Variants in CCDC170 observed in about 807,000 individuals in gnomAD.
The protein encoded by CCDC170 is coiled-coil domain-containing protein 170.
A neutral mutation model predicts 72.6 loss-of-function variants in CCDC170; 69 were observed. That is an observed-to-expected ratio of 0.95 (90% confidence interval 0.78 to 1.16). CCDC170 has a LOEUF of 1.16. Among genes scored for constraint, CCDC170 ranks in the 50% most tolerant of loss-of-function variants. CCDC170 has a pLI of 0.00. For synonymous variants in CCDC170, 300 were observed against 303.9 expected (o/e 0.99, Z 0.13); for missense variants, 852 against 832.5 (o/e 1.02, Z -0.29).
rs565760510 is a variant in CCDC170 at position 151,602,972 on chromosome 6, T to C, written c.1710+6395T>C. On this transcript the variant is annotated intron_variant, in intron 9 of 10. Transcript: ENST00000239374. ...TGTGCCACCATGCCCGGCTAGTTTT[T>C]TTATTTTTAGTAGAGATGGGGTTTC... Among the ~76,000 whole-genome samples, 9 of 152,266 alleles carry C rather than the reference T, an allele frequency of 5.9e-5. 1 individual carries two copies. In the South Asian group the frequency reaches 1.9e-3, roughly 32 times the overall value.
At chr6:151,496,498 T>C (rs1781915016) in intron 1 of CCDC170, among the ~76,000 whole-genome samples, 1 of 152,238 alleles carries the variant, frequency 6.6e-6, no homozygotes, top group Non-Finnish European at 1.5e-5. Flanking sequence ...TGCAAAATAC[T>C]TTATCTGAGA....
intron 9 of CCDC170, among the ~76,000 whole-genome samples, chr6:151,606,194 A>T (rs1486221829): frequency 6.6e-6 from 1 of 152,134 alleles, no homozygotes; most frequent in Non-Finnish European, 1.5e-5. Context: ...GAGCCACTGC[A>T]CCTGGCCTAT....
At chr6:151,548,625 C>T in intron 5 of CCDC170, 136 bp downstream of exon 5, 1 of 695,882 alleles carries the variant, frequency 1.4e-6, no homozygotes, top group Non-Finnish European at 2.1e-6. Context: ...AGAGCCTGCA[C>T]TCAGCAGGAG....
intron 1 of CCDC170, among the ~76,000 whole-genome samples, chr6:151,519,100 G>C (rs946705427): frequency 6.6e-6 from 1 of 152,158 alleles, no homozygotes; most frequent in Non-Finnish European, 1.5e-5. Context: ...AAATTCACCA[G>C]GGTGGGATTT....
chr6:151,545,000 C>T (rs1345597676), intron 4 of CCDC170, among the ~76,000 whole-genome samples: 1 of 152,052 alleles, frequency 6.6e-6, no homozygotes, highest in Non-Finnish European at 1.5e-5. Context: ...CTCATTGTAA[C>T]CATTTGCTTT....
At chr6:151,608,261 T>C (rs1220375059) in intron 9 of CCDC170, among the ~76,000 whole-genome samples, 1 of 152,200 alleles carries the variant, frequency 6.6e-6, no homozygotes, top group Non-Finnish European at 1.5e-5. Context: ...TTTTATTTCA[T>C]TGAGTTTCCT....
chr6:151,513,065 C>T (rs773129594), intron 1 of CCDC170, among the ~76,000 whole-genome samples: 1 of 152,140 alleles, frequency 6.6e-6, no homozygotes, highest in Non-Finnish European at 1.5e-5. Context: ...CCTAAGGAAA[C>T]AGTCAGAATT....
intron 10 of CCDC170, among the ~76,000 whole-genome samples, chr6:151,617,183 A>G (rs773272249): frequency 5.9e-5 from 9 of 152,086 alleles, no homozygotes; most frequent in Non-Finnish European, 8.8e-5. Context: ...CTGCTTTTGC[A>G]TTAACCTAGA....
At chr6:151,565,221 G>A (rs1776113750) in intron 5 of CCDC170, among the ~76,000 whole-genome samples, 1 of 152,178 alleles carries the variant, frequency 6.6e-6, no homozygotes, top group South Asian at 2.1e-4. Flanking sequence ...CCCCAAGGCA[G>A]GGTGATGTCT....
chr6:151,552,944 G>A (rs549511566), intron 5 of CCDC170, among the ~76,000 whole-genome samples: 1 of 151,876 alleles, frequency 6.6e-6, no homozygotes, highest in South Asian at 2.1e-4. Context: ...GTGCCACTAT[G>A]CTTGGCTAAT....
chr6:151,564,755 C>T (rs948313245), intron 5 of CCDC170, among the ~76,000 whole-genome samples: 2 of 152,058 alleles, frequency 1.3e-5, no homozygotes, highest in African/African-American at 4.8e-5. Context: ...CAGAGTAATC[C>T]CCAAGTCCCC....
chr6:151,592,009 A>G (rs1776544771), intron 7 of CCDC170, among the ~76,000 whole-genome samples: 1 of 152,040 alleles, frequency 6.6e-6, no homozygotes, highest in Non-Finnish European at 1.5e-5. Flanking sequence ...GTTAGGTGGG[A>G]AAAATTCCCA....
At chr6:151,600,727 TA>T (rs1776693466) in intron 9 of CCDC170, among the ~76,000 whole-genome samples, 1 of 152,178 alleles carries the variant, frequency 6.6e-6, no homozygotes, top group African/African-American at 2.4e-5. Context: ...GGTTTTTTTT[TA>T]AATGAGAAAT....
At chr6:151,613,902 T>G (rs547074719) in intron 9 of CCDC170, among the ~76,000 whole-genome samples, 2 of 152,344 alleles carry the variant, frequency 1.3e-5, no homozygotes, top group East Asian at 3.9e-4. Context: ...TTTAATATTT[T>G]AAAAACTGGC....
At chr6:151,577,206 G>A (rs1437646398) in intron 6 of CCDC170, among the ~76,000 whole-genome samples, 1 of 152,142 alleles carries the variant, frequency 6.6e-6, no homozygotes. Context: ...GTGCATTGCA[G>A]GATTTTGAGC....
chr6:151,527,050 A>ATTTTTTTTTTTTTTTTTTTTT (rs56941290), intron 1 of CCDC170, among the ~76,000 whole-genome samples: 1 of 69,682 alleles, frequency 1.4e-5, no homozygotes, highest in African/African-American at 5.6e-5. Context: ...ATGCTTAGCT[A>ATTTTTTTTTTTTTTTTTTTTT]TTTTTTTTTT....
At chr6:151,543,931 G>T (rs1051701509) in intron 3 of CCDC170, among the ~76,000 whole-genome samples, 4 of 151,986 alleles carry the variant, frequency 2.6e-5, no homozygotes, top group Non-Finnish European at 5.9e-5. Context: ...GTAAACATGG[G>T]GGTTCAGACA....
At chr6:151,533,132 C>T (rs1048795898) in intron 1 of CCDC170, among the ~76,000 whole-genome samples, 8 of 149,750 alleles carry the variant, frequency 5.3e-5, no homozygotes, top group African/African-American at 2.0e-4. Context: ...CGGCTTACTG[C>T]AAGCTCCACC....
At chr6:151,598,437 G>C (rs9383586) in intron 9 of CCDC170, among the ~76,000 whole-genome samples, 23,172 of 151,972 alleles carry the variant, frequency 0.15, 1,911 homozygotes, top group East Asian at 0.38. Context: ...GGGGTGTTCG[G>C]TTCAACTGAG....
Sources: allele counts gnomAD v4.1 joint callset (sites outside exome capture counted in the v4.1 genomes callset), GRCh38; gene constraint gnomAD v4.1.1; transcripts MANE v1.5; gene names NCBI Gene and HGNC (gene_info 2026-07-23, HGNC 2026-07-21).